The following SLC44A5 variants were observed in gnomAD, a reference collection of about 807,000 sequenced individuals.
SLC44A5 encodes solute carrier family 44 member 5.
A neutral mutation model predicts 101.8 loss-of-function variants in SLC44A5; 57 were observed. The observed-to-expected ratio is 0.56, with a 90% CI of 0.45 to 0.70. The LOEUF (loss-of-function observed/expected upper bound fraction) is 0.70, where lower values mean the gene tolerates loss of function less well. Among genes scored for constraint, SLC44A5 ranks in the 30% least tolerant of loss-of-function variants. The probability of loss-of-function intolerance (pLI) is 0.00; values close to 1 mark genes in which losing one functional copy is unlikely to be tolerated. For synonymous variants in SLC44A5, 281 were observed against 290.9 expected (o/e 0.97, Z 0.35); for missense variants, 737 against 853.1 (o/e 0.86, Z 1.70).
At chr1:75,510,924 C>T (rs1029879419) in intron 2 of SLC44A5, among the ~76,000 whole-genome samples, 24 of 152,234 alleles carry the variant, frequency 1.6e-4, no homozygotes, top group African/African-American at 4.3e-4. Context: ...AGGTGGATGA[C>T]GAGGTTAGGA....
chr1:75,718,987 T>C, the SLC44A5 span, among the ~76,000 whole-genome samples: 10 of 152,204 alleles, frequency 6.6e-5, no homozygotes, highest in Admixed American at 5.2e-4. Context: ...TTTTCTTTTG[T>C]AATAGGACAC....
chr1:75,375,841 G>A (rs1660547191), intron 3 of SLC44A5, among the ~76,000 whole-genome samples: 1 of 152,228 alleles, frequency 6.6e-6, no homozygotes. Flanking sequence ...GAGCCAAGAT[G>A]GCCGAATAGG....
the SLC44A5 span, among the ~76,000 whole-genome samples, chr1:75,671,744 A>C: frequency 3.3e-5 from 5 of 152,246 alleles, no homozygotes; most frequent in African/African-American, 4.8e-5. Context: ...CGAAGCTCTC[A>C]AGCACAGAAA....
chr1:75,671,775 G>A, the SLC44A5 span, among the ~76,000 whole-genome samples: 4 of 152,290 alleles, frequency 2.6e-5, no homozygotes, highest in Admixed American at 2.0e-4. Context: ...CTGCTGAAAG[G>A]ACAATAGAAA....
intron 2 of SLC44A5, among the ~76,000 whole-genome samples, chr1:75,500,849 A>C (rs558417964): frequency 4.9e-4 from 75 of 152,302 alleles, no homozygotes; most frequent in Middle Eastern, 6.8e-3. Context: ...GGTTCCAAGG[A>C]GTCTAGTCTT....
chr1:75,685,314 A>G, the SLC44A5 span, among the ~76,000 whole-genome samples: 41 of 152,294 alleles, frequency 2.7e-4, no homozygotes, highest in Non-Finnish European at 4.3e-4. Flanking sequence ...CTTGATGATT[A>G]GCATTTGGAT....
intron 13 of SLC44A5, among the ~76,000 whole-genome samples, chr1:75,226,378 G>T (rs753838648): frequency 4.6e-5 from 7 of 152,050 alleles, no homozygotes; most frequent in Non-Finnish European, 8.8e-5. Flanking sequence ...GAGCCCCTTT[G>T]CTAAAATAGC....
intron 2 of SLC44A5, among the ~76,000 whole-genome samples, chr1:75,521,096 C>T (rs531481174): frequency 1.3e-5 from 2 of 152,138 alleles, no homozygotes; most frequent in East Asian, 3.9e-4. Context: ...CAGCAATAAA[C>T]TCTGTTCAAC....
chr1:75,573,563 G>A (rs1673200370), intron 1 of SLC44A5, among the ~76,000 whole-genome samples: 1 of 152,062 alleles, frequency 6.6e-6, no homozygotes, highest in African/African-American at 2.4e-5. Context: ...ATTCCTTAGA[G>A]TGTCTCCCTC....
intron 1 of SLC44A5, among the ~76,000 whole-genome samples, chr1:75,578,156 T>TC (rs1673479105): frequency 6.6e-6 from 1 of 152,138 alleles, no homozygotes; most frequent in African/African-American, 2.4e-5. Context: ...TCTATATTTT[T>TC]CCCAAGTAAA....
At chr1:75,590,495 T>G (rs1570690055) in intron 1 of SLC44A5, among the ~76,000 whole-genome samples, 1 of 152,212 alleles carries the variant, frequency 6.6e-6, no homozygotes, top group African/African-American at 2.4e-5. Flanking sequence ...ACCAGTGAGC[T>G]CTTGGGGTCC....
intron 1 of SLC44A5, among the ~76,000 whole-genome samples, chr1:75,583,440 A>G (rs1362998390): frequency 2.0e-5 from 3 of 152,038 alleles, no homozygotes; most frequent in Non-Finnish European, 4.4e-5. Context: ...AATCACCTGC[A>G]TCCCTCAGCT....
intron 17 of SLC44A5, 146 bp from the exon 18 acceptor site, chr1:75,218,106 A>C: frequency 1.6e-6 from 1 of 639,872 alleles, no homozygotes; most frequent in Non-Finnish European, 2.7e-6. Context: ...GATTGATAAA[A>C]GTCTCTATAG....
At chr1:75,667,039 C>T in the SLC44A5 span, among the ~76,000 whole-genome samples, 1 of 152,134 alleles carries the variant, frequency 6.6e-6, no homozygotes, top group African/African-American at 2.4e-5. Flanking sequence ...GACAAGGATG[C>T]CATCTCTCAC....
intron 7 of SLC44A5, among the ~76,000 whole-genome samples, chr1:75,243,384 A>G (rs577686662): frequency 5.3e-5 from 8 of 151,934 alleles, no homozygotes; most frequent in Non-Finnish European, 8.8e-5. Flanking sequence ...TGATCCACCC[A>G]TCTCAGCCTC....
At chr1:75,273,887 T>C (rs1329432060) in intron 6 of SLC44A5, among the ~76,000 whole-genome samples, 1 of 152,112 alleles carries the variant, frequency 6.6e-6, no homozygotes, top group Non-Finnish European at 1.5e-5. Context: ...GATACGGGCT[T>C]CCTAGAATGA....
chr1:75,580,406 T>C (rs111654071), intron 1 of SLC44A5, among the ~76,000 whole-genome samples: 4 of 152,306 alleles, frequency 2.6e-5, no homozygotes, highest in African/African-American at 9.6e-5. Context: ...TGTCTTATGT[T>C]GTCTCAACCA....
chr1:75,372,517 T>C (rs1017440673), intron 3 of SLC44A5, among the ~76,000 whole-genome samples: 1 of 133,702 alleles, frequency 7.5e-6, no homozygotes, highest in African/African-American at 3.0e-5. Flanking sequence ...AACTAGCAAT[T>C]CTAAAGACAT....
chr1:75,280,647 G>A (rs1435478898), intron 5 of SLC44A5, among the ~76,000 whole-genome samples: 1 of 150,674 alleles, frequency 6.6e-6, no homozygotes, highest in Non-Finnish European at 1.5e-5. Context: ...TGTTGGAAGA[G>A]GGATCTCGTG....
Sources: allele counts gnomAD v4.1 joint callset (sites outside exome capture counted in the v4.1 genomes callset), GRCh38; gene constraint gnomAD v4.1.1; transcripts MANE v1.5; gene names NCBI Gene and HGNC (gene_info 2026-07-23, HGNC 2026-07-21).